The following MINAR1 variants were observed in gnomAD, a reference collection of about 807,000 sequenced individuals.
MINAR1 encodes the protein membrane integral NOTCH2 associated receptor 1, also known as major intrinsically disordered Notch2-binding receptor 1.
MINAR1 carries 40 observed loss-of-function variants against 65.1 expected under a neutral mutation model. That is an observed-to-expected ratio of 0.61 (90% CI 0.48 to 0.80). MINAR1 has a LOEUF of 0.80. Ranked by LOEUF, MINAR1 falls within the 30% of genes least tolerant of loss-of-function variation. The pLI is 0.00. For missense variants in MINAR1, 1,128 were observed against 1,148.0 expected (o/e 0.98, Z 0.25); for synonymous variants, 482 against 449.1 (o/e 1.07, Z -0.93).
chr15:79,464,880 G>A (rs1300192857), intron 3 of MINAR1, among the ~76,000 whole-genome samples: 4 of 130,218 alleles, frequency 3.1e-5, no homozygotes, highest in South Asian at 4.6e-4. Flanking sequence ...TTCTCCCTCC[G>A]GTGGAATATT....
chr15:79,449,077 T>C (rs559771850), intron 1 of MINAR1, among the ~76,000 whole-genome samples: 1 of 152,264 alleles, frequency 6.6e-6, no homozygotes. Context: ...AGGCATCTGG[T>C]TCTGGCCTTT....
At chr15:79,414,267 G>A in the MINAR1 span, 82 of 152,286 alleles carry the variant, frequency 5.4e-4, no homozygotes, top group African/African-American at 1.9e-3. Flanking sequence ...CAGATTCTGT[G>A]AGTGCACACA....
rs756124862 is a variant in MINAR1, at chr15:79,458,230, C to A, written c.2083C>A (p.Arg695=). The change falls in exon 2 of 4, where the codon CGG becomes AGG. Residue 695 remains arginine, a synonymous_variant. Transcript: ENST00000305428. ...TAGCGGGAGCAACAGTGAAAGCCTGCGGGTCAAGGCCTTAAAAAAAAGCCT... is the reference window on the plus strand; with the variant it reads ...TAGCGGGAGCAACAGTGAAAGCCTGAGGGTCAAGGCCTTAAAAAAAAGCCT... ...DASGSNSESL[R]VKALKKSLFT... is the part of the protein sequence containing the mutation. The A allele has an allele frequency of 1.2e-5, 20 of 1,613,902 alleles. 1 individual carries two copies. In the South Asian group the frequency reaches 2.0e-4, roughly 16 times the overall value.
intron 3 of MINAR1, among the ~76,000 whole-genome samples, chr15:79,464,885 AATATTTCATGATTCTCCCTCCG>A: frequency 7.7e-6 from 1 of 130,378 alleles, no homozygotes; most frequent in East Asian, 3.2e-4. Context: ...CCTCCGGTGG[AATATTTCATGATTCTCCCTCCG>A]GTGGAATATT....
At chr15:79,411,516 C>G in the MINAR1 span, 9 of 701,516 alleles carry the variant, frequency 1.3e-5, no homozygotes, top group Non-Finnish European at 2.3e-5. Context: ...AGATTTTCAG[C>G]GGGGAGGCAC....
chr15:79,463,448 C>A, intron 3 of MINAR1, 127 bp downstream of exon 3: 1 of 1,063,626 alleles, frequency 9.4e-7, no homozygotes, highest in Non-Finnish European at 1.4e-6. Flanking sequence ...GGGCCCCCAA[C>A]ATGGAATTCA....
At chr15:79,466,968 T>A (rs976467357) in intron 3 of MINAR1, among the ~76,000 whole-genome samples, 1 of 152,176 alleles carries the variant, frequency 6.6e-6, no homozygotes, top group African/African-American at 2.4e-5. Flanking sequence ...AATACCTCAA[T>A]CTCTCTTTCT....
chr15:79,464,878 C>G (rs1192569653), intron 3 of MINAR1, among the ~76,000 whole-genome samples: 1 of 130,280 alleles, frequency 7.7e-6, no homozygotes, highest in Non-Finnish European at 1.6e-5. Context: ...GATTCTCCCT[C>G]CGGTGGAATA....
Position 79,458,143 on chromosome 15 carries a change from G to T in MINAR1, c.1996G>T (p.Ala666Ser), listed in dbSNP as rs1309038467. The T allele has an allele frequency of 5.6e-6, 9 of 1,614,112 alleles. No individual in the cohort carries two copies. The highest frequency in any genetic ancestry group is 4.5e-5 in the East Asian group (2 of 44,888). ...DDSASPRMFH[A>S]HSGSHGPKLE... ...CAGTGCCTCTCCCCGGATGTTCCAC[G>T]CACACAGTGGCTCCCACGGACCCAA... The change falls in exon 2 of 4, where the codon GCA becomes TCA. Residue 666 changes from alanine (A) to serine (S), a missense_variant. By Grantham distance (99) the Ala-to-Ser change is moderately conservative (BLOSUM62 1). Coordinates refer to ENST00000305428, the MANE Select transcript of MINAR1 (RefSeq NM_015206.3).
At chr15:79,428,353 G>GTCT (rs1567046037), upstream of MINAR1, among the ~76,000 whole-genome samples, 1 of 43,308 alleles carries the variant, frequency 2.3e-5, no homozygotes, top group Non-Finnish European at 3.9e-5. Flanking sequence ...ATCCCTCCTT[G>GTCT]CCTCCTTTTC....
chr15:79,460,567 T>C (rs765726082), intron 2 of MINAR1, among the ~76,000 whole-genome samples: 1 of 151,638 alleles, frequency 6.6e-6, no homozygotes, highest in Non-Finnish European at 1.5e-5. Flanking sequence ...CACCTCTACG[T>C]TGAGTCAAGG....
chr15:79,416,372 G>A, the MINAR1 span: 18 of 152,328 alleles, frequency 1.2e-4, no homozygotes, highest in African/African-American at 4.1e-4. Context: ...GTTTGTGATC[G>A]AACAGATTTC....
At chr15:79,450,390 AAAGT>A (rs929467750) in intron 1 of MINAR1, among the ~76,000 whole-genome samples, 1 of 152,186 alleles carries the variant, frequency 6.6e-6, no homozygotes, top group African/African-American at 2.4e-5. Flanking sequence ...GCAGACGCAC[AAAGT>A]AAGAGTCACA....
intron 2 of MINAR1, among the ~76,000 whole-genome samples, chr15:79,462,281 G>C (rs923279577): frequency 9.9e-5 from 15 of 152,178 alleles, no homozygotes; most frequent in African/African-American, 3.6e-4. Flanking sequence ...GCAAATGCTG[G>C]CTGAAGGGTC....
At chr15:79,435,307 T>A (rs1219616684) in intron 1 of MINAR1, among the ~76,000 whole-genome samples, 1 of 151,480 alleles carries the variant, frequency 6.6e-6, no homozygotes, top group East Asian at 1.9e-4. Context: ...CAAAACAGAT[T>A]AAGAGCAAGG....
At position 79,457,763 on chromosome 15, in the gene MINAR1, C is replaced by T. The variant is rs747785884; in HGVS notation, c.1616C>T (p.Ser539Leu). The T allele has an allele frequency of 4.3e-6, 7 of 1,614,046 alleles. No individual in the cohort carries two copies. Among genetic ancestry groups the T allele is most frequent in the African/African-American group, 4.0e-5 (3 of 74,924 alleles). The change falls in exon 2 of 4, where the codon TCG becomes TTG. Residue 539 changes from serine to leucine, a missense_variant. Transcript: ENST00000305428. Reference sequence around the variant, plus strand: ...AGTGGCTCCACGGGAGTGATACAGTCGTCCTGCTACAACAGCACAGGATCC... The same window carrying T: ...AGTGGCTCCACGGGAGTGATACAGTTGTCCTGCTACAACAGCACAGGATCC... ...SISGSTGVIQSSCYNSTGSLS... is the reference protein window; with the variant it reads ...SISGSTGVIQLSCYNSTGSLS...
rs1250452255 is a variant in MINAR1 at position 79,468,909 on chromosome 15, T to C, written c.*525T>C. The C allele has an allele frequency of 6.2e-6, 1 of 161,100 alleles. No homozygotes were observed. The allele number at this position is 161,100 out of a possible 1,614,324, so 10.0% of individuals were successfully genotyped here. A position where few individuals can be genotyped will look rare whatever the true frequency, so the allele number is the denominator to read the frequency against. ...TTCTCTGTCGACTTTTATCAAGGGC[T>C]ACTGACGTTTCATTCTTGCCCTTTT... is the stretch of plus-strand genomic sequence containing the variant. On this transcript the variant is annotated 3_prime_UTR_variant, in exon 4 of 4. Coordinates refer to ENST00000305428, the MANE Select transcript of MINAR1 (RefSeq NM_015206.3).
chr15:79,464,998 G>T (rs1186854649), intron 3 of MINAR1, among the ~76,000 whole-genome samples: 2 of 152,206 alleles, frequency 1.3e-5, no homozygotes, highest in African/African-American at 4.8e-5. Flanking sequence ...TGCAAAGTTT[G>T]CAGGGAGGGA....
rs752644862 is a variant in MINAR1, at chr15:79,457,234, C to T, written c.1087C>T (p.Pro363Ser). 3.1e-6 allele frequency: 5 copies of T among 1,614,050 alleles called. No individual in the cohort carries two copies. The South Asian group carries it at 3.3e-5, about 11-fold the overall frequency. The change falls in exon 2 of 4, where the codon CCC becomes TCC. Residue 363 changes from proline to serine, a missense_variant. Coordinates refer to ENST00000305428, the MANE Select transcript of MINAR1 (RefSeq NM_015206.3). Reference protein sequence around the residue: ...RCLGKPNKQTPWPAKSWSLNT... With the variant: ...RCLGKPNKQTSWPAKSWSLNT... The stretch of plus-strand genomic sequence containing the variant: ...TCTAGGGAAGCCCAACAAGCAGACT[C>T]CCTGGCCAGCCAAAAGCTGGAGCCT...
Sources: allele counts gnomAD v4.1 joint callset (sites outside exome capture counted in the v4.1 genomes callset), GRCh38; gene constraint gnomAD v4.1.1; transcripts MANE v1.5; gene names NCBI Gene and HGNC (gene_info 2026-07-23, HGNC 2026-07-21).